The following USP46 variants were observed in gnomAD, a reference collection of about 807,000 sequenced individuals.
USP46 encodes ubiquitin specific peptidase 46.
Under a neutral mutation model 44.4 loss-of-function variants are expected in USP46, and 12 were observed. That is an observed-to-expected ratio of 0.27 (90% confidence interval 0.17 to 0.44). USP46 has a LOEUF of 0.44. Ranked by LOEUF, USP46 falls within the 20% of genes least tolerant of loss-of-function variation. The pLI is 1.00. For missense variants in USP46, 248 were observed against 444.8 expected (o/e 0.56, Z 3.98); for synonymous variants, 155 against 161.5 (o/e 0.96, Z 0.31).
In USP46 at chr4:52,595,094, A is replaced by C. The variant is rs531364557; in HGVS notation, c.*2546T>G. The C allele has an allele frequency of 2.6e-5, 4 of 152,748 alleles. No homozygotes were observed. In the South Asian group the frequency reaches 6.2e-4, roughly 24 times the overall value. The allele number at this position is 152,748 out of a possible 1,614,324, so 9.5% of individuals were successfully genotyped here. ...TTGTAACACCCAGCAGTTACAAGAAATACAGCAGGCCTACTCACTCCTGCA... is the reference window on the plus strand; with the variant it reads ...TTGTAACACCCAGCAGTTACAAGAACTACAGCAGGCCTACTCACTCCTGCA... On this transcript the variant is annotated 3_prime_UTR_variant, in exon 9 of 9. Transcript: ENST00000441222.
At chr4:52,645,224 CAAAAAAAAA>C (rs74266163) in intron 1 of USP46, among the ~76,000 whole-genome samples, 5 of 79,834 alleles carry the variant, frequency 6.3e-5, no homozygotes, top group Non-Finnish European at 1.3e-4. Context: ...GACTCTATCT[CAAAAAAAAA>C]AAAAAAAAAA....
At chr4:52,610,117 G>A (rs1230415370) in intron 5 of USP46, among the ~76,000 whole-genome samples, 3 of 149,860 alleles carry the variant, frequency 2.0e-5, no homozygotes, top group Non-Finnish European at 4.4e-5. Context: ...GTAGAGACGG[G>A]GTTTCACCGT....
intron 4 of USP46, among the ~76,000 whole-genome samples, chr4:52,616,045 C>G (rs565632926): frequency 6.6e-6 from 1 of 152,180 alleles, no homozygotes; most frequent in Non-Finnish European, 1.5e-5. Context: ...ATAACTTTAT[C>G]AACCAACATA....
At chr4:52,598,006 A>G (rs1459076748) in intron 8 of USP46, among the ~76,000 whole-genome samples, 1 of 152,210 alleles carries the variant, frequency 6.6e-6, no homozygotes, top group African/African-American at 2.4e-5. Flanking sequence ...AAGCCAAGAC[A>G]TCTCCCAGAT....
intron 3 of USP46, 90 bp from the exon 4 acceptor site, chr4:52,626,337 T>G (rs1365622825): frequency 8.6e-7 from 1 of 1,160,684 alleles, no homozygotes; most frequent in African/African-American, 1.6e-5. Context: ...AAATATTTTT[T>G]TTTTGAGATG....
At chr4:52,639,544 G>A (rs138806759) in intron 1 of USP46, among the ~76,000 whole-genome samples, 3 of 152,236 alleles carry the variant, frequency 2.0e-5, no homozygotes, top group East Asian at 1.9e-4. Flanking sequence ...CCTCCTCTAG[G>A]ATGCTCCTGG....
In USP46 at chr4:52,601,949, G is replaced by A; in HGVS notation, c.828C>T (p.Phe276=). The A allele has an allele frequency of 2.5e-6, 4 of 1,613,966 alleles. No individual in the cohort carries two copies. Among genetic ancestry groups the A allele is most frequent in the Non-Finnish European group, 3.4e-6 (4 of 1,179,890 alleles). ...TGTTGAAGAGCCGGAGTTCCAGAGG[G>A]AAGACCACACGGTAAGACAGCTTGG... is the stretch of plus-strand genomic sequence containing the variant. The part of the protein sequence containing the change: ...RYTKLSYRVV[F]PLELRLFNTS... The change falls in exon 7 of 9, where the codon TTC becomes TTT. Residue 276 remains phenylalanine, a synonymous_variant. Coordinates refer to ENST00000441222, the MANE Select transcript of USP46 (RefSeq NM_022832.4).
chr4:52,611,416 G>A (rs375541120), intron 4 of USP46, among the ~76,000 whole-genome samples: 3 of 152,330 alleles, frequency 2.0e-5, no homozygotes, highest in Admixed American at 6.5e-5. Context: ...GGGTTTTACT[G>A]TCTTGTTCCC....
intron 7 of USP46, 47 bp from the exon 8 acceptor site, chr4:52,598,753 CTT>C (rs756630799): frequency 3.0e-5 from 46 of 1,516,608 alleles, no homozygotes; most frequent in Non-Finnish European, 4.0e-5. Context: ...ACATTTATCT[CTT>C]TATAAAACTC....
chr4:52,638,408 G>C (rs1217340655), intron 1 of USP46, among the ~76,000 whole-genome samples: 1 of 151,928 alleles, frequency 6.6e-6, no homozygotes, highest in Non-Finnish European at 1.5e-5. Context: ...TGCTGCACCT[G>C]GATTTTAAGG....
chr4:52,635,225 G>A (rs1020562557), intron 1 of USP46, among the ~76,000 whole-genome samples: 1 of 151,978 alleles, frequency 6.6e-6, no homozygotes, highest in Non-Finnish European at 1.5e-5. Flanking sequence ...TATGGATAAC[G>A]GATCCAGCTG....
At chr4:52,600,050 T>C (rs1011293792) in intron 7 of USP46, among the ~76,000 whole-genome samples, 10 of 152,216 alleles carry the variant, frequency 6.6e-5, no homozygotes, top group African/African-American at 2.4e-4. Context: ...TCCCTGCTTA[T>C]TCCTGATAGC....
At chr4:52,637,393 G>C (rs998817861) in intron 1 of USP46, among the ~76,000 whole-genome samples, 1 of 152,188 alleles carries the variant, frequency 6.6e-6, no homozygotes, top group Non-Finnish European at 1.5e-5. Context: ...GCTCCAGGCT[G>C]AATGAATACT....
rs556454564 is a variant in USP46 at position 52,596,931 on chromosome 4, T to C, written c.*709A>G. ...TGGTAGAAAGGTACGAAAATAACTT[T>C]TCATTGTCCACAAAAACTTCCTCCT... On this transcript the variant is annotated 3_prime_UTR_variant, in exon 9 of 9. Coordinates refer to ENST00000441222, the MANE Select transcript of USP46 (RefSeq NM_022832.4). The C allele has an allele frequency of 3.3e-4, 51 of 152,768 alleles. No individual in the cohort carries two copies. The highest frequency in any genetic ancestry group is 1.2e-3 in the African/African-American group (50 of 41,572). 9.5% of individuals were successfully genotyped at this position (152,768 alleles called of 1,614,324 possible).
chr4:52,632,314 G>A (rs145170127), intron 1 of USP46, among the ~76,000 whole-genome samples: 1 of 152,264 alleles, frequency 6.6e-6, no homozygotes, highest in Non-Finnish European at 1.5e-5. Flanking sequence ...CACTCCCTAA[G>A]ACCTGAATGA....
chr4:52,604,478 C>A (rs768954737), intron 6 of USP46, 23 bp downstream of exon 6: 3 of 1,597,006 alleles, frequency 1.9e-6, no homozygotes, highest in African/African-American at 1.3e-5. Flanking sequence ...ACAAAGATAA[C>A]CCTGAGCTAA....
chr4:52,629,620 A>C (rs1474690812), intron 2 of USP46: 1 of 455,772 alleles, frequency 2.2e-6, no homozygotes, highest in African/African-American at 2.0e-5. Context: ...TTCCTCTCTT[A>C]CTCAGTATCT....
rs184252186 is a variant in USP46, at chr4:52,644,842, G to C, written c.37-13698C>G. ...AGAGGCCGAGGTGGGTGGATCACGC[G>C]GTCAGGAGTTTGAGACCAGCCTAAC... On this transcript the variant is annotated intron_variant, in intron 1 of 8. Transcript: ENST00000441222. 5.3e-3 allele frequency among the ~76,000 whole-genome samples: 811 copies of C among 151,856 alleles called. 11 individuals are homozygous for C. Among genetic ancestry groups the C allele is most frequent in the African/African-American group, 0.019 (771 of 41,372 alleles).
intron 1 of USP46, among the ~76,000 whole-genome samples, chr4:52,632,966 A>AAG (rs1385576101): frequency 4.9e-5 from 4 of 81,674 alleles, no homozygotes; most frequent in African/African-American, 1.8e-4. Context: ...GAAAGAAAGA[A>AAG]AGAAAGAAAG....
Sources: gnomAD v4.1 joint callset for allele counts (sites outside exome capture counted in the v4.1 genomes callset) on GRCh38, gnomAD v4.1.1 for gene constraint, MANE v1.5 for transcripts, NCBI Gene and HGNC (gene_info 2026-07-23, HGNC 2026-07-21) for gene names.